Variants in HUNK observed in about 807,000 individuals in gnomAD.
The protein encoded by HUNK is hormonally up-regulated Neu-associated kinase, also known as hormonally up-regulated neu tumor-associated kinase.
A neutral mutation model predicts 61.0 loss-of-function variants in HUNK; 21 were observed. The observed-to-expected ratio is 0.34, with a 90% CI of 0.24 to 0.50. The LOEUF is 0.50. Among genes scored for constraint, HUNK ranks in the 20% least tolerant of loss-of-function variants. The probability of loss-of-function intolerance (pLI) is 0.98; values close to 1 mark genes in which losing one functional copy is unlikely to be tolerated. For missense variants in HUNK, 772 were observed against 945.7 expected (o/e 0.82, Z 2.41); for synonymous variants, 371 against 386.1 (o/e 0.96, Z 0.46).
intron 10 of HUNK, among the ~76,000 whole-genome samples, chr21:31,996,251 G>A (rs2053205207): frequency 1.3e-5 from 2 of 152,334 alleles, no homozygotes; most frequent in Non-Finnish European, 2.9e-5. Flanking sequence ...TGCAGGAGCA[G>A]AGATCAGGGT....
intron 1 of HUNK, among the ~76,000 whole-genome samples, chr21:31,917,632 T>C (rs1045827362): frequency 1.3e-5 from 2 of 150,838 alleles, no homozygotes; most frequent in Non-Finnish European, 2.9e-5. Context: ...AGAAAGTTGT[T>C]TTTCTTGTGC....
chr21:31,920,121 G>A (rs867928524), intron 1 of HUNK, among the ~76,000 whole-genome samples: 1 of 152,088 alleles, frequency 6.6e-6, no homozygotes. Flanking sequence ...TTGGCTTGTC[G>A]CCCCTCACCC....
chr21:31,980,360 G>A lies in HUNK; in HGVS notation c.1174-3166G>A, dbSNP rs143127176. Among the ~76,000 whole-genome samples, 1,161 of 135,754 alleles carry A rather than the reference G, an allele frequency of 8.6e-3. 15 individuals are homozygous for A. The highest frequency in any genetic ancestry group is 0.03 in the African/African-American group (1,069 of 35,712). 89.1% of individuals were successfully genotyped at this position (135,754 alleles called of 152,430 possible). A position where few individuals can be genotyped will look rare whatever the true frequency, so the allele number is the denominator to read the frequency against. On this transcript the variant is annotated intron_variant, in intron 7 of 10. Transcript: ENST00000270112. ...GCTGGGATTATAGGCGTGAGCCACC[G>A]CACCAGGCCTGTCTTCTTCTTTTTT... is the stretch of plus-strand genomic sequence containing the variant.
At chr21:31,970,312 G>A (rs1568938012) in intron 6 of HUNK, among the ~76,000 whole-genome samples, 2 of 152,174 alleles carry the variant, frequency 1.3e-5, no homozygotes, top group East Asian at 1.9e-4. Context: ...TACACTCACC[G>A]TGCCCAGAGA....
At chr21:31,928,258 A>G (rs1327793207) in intron 2 of HUNK, among the ~76,000 whole-genome samples, 1 of 152,176 alleles carries the variant, frequency 6.6e-6, no homozygotes, top group East Asian at 1.9e-4. Flanking sequence ...TGTGCTGTCA[A>G]AAAGAGGATG....
intron 1 of HUNK, among the ~76,000 whole-genome samples, chr21:31,922,965 TG>T (rs1220462490): frequency 6.6e-6 from 1 of 152,208 alleles, no homozygotes; most frequent in Non-Finnish European, 1.5e-5. Context: ...AAGGTGTTCC[TG>T]GGATGCTCAT....
intron 1 of HUNK, among the ~76,000 whole-genome samples, chr21:31,880,757 CT>C (rs36001075): frequency 6.6e-6 from 1 of 152,168 alleles, no homozygotes; most frequent in African/African-American, 2.4e-5. Context: ...GCTCCAGCAC[CT>C]TTTTAGACTG....
chr21:31,943,794 G>C (rs1267759517), intron 3 of HUNK, among the ~76,000 whole-genome samples: 1 of 152,166 alleles, frequency 6.6e-6, no homozygotes, highest in African/African-American at 2.4e-5. Context: ...TCTCAGGGTG[G>C]TGAGGAAGTG....
At chr21:31,944,707 G>C (rs140187111) in intron 3 of HUNK, among the ~76,000 whole-genome samples, 269 of 152,314 alleles carry the variant, frequency 1.8e-3, no homozygotes, top group African/African-American at 5.8e-3. Flanking sequence ...GAAGAGCTCA[G>C]TGTTTGGACA....
At chr21:31,900,676 A>C (rs1376073270) in intron 1 of HUNK, among the ~76,000 whole-genome samples, 2 of 152,190 alleles carry the variant, frequency 1.3e-5, no homozygotes, top group African/African-American at 4.8e-5. Flanking sequence ...TACCTGAGTT[A>C]ATCAGTACTC....
intron 9 of HUNK, among the ~76,000 whole-genome samples, chr21:31,993,167 G>A (rs1264419202): frequency 6.6e-6 from 1 of 152,120 alleles, no homozygotes; most frequent in East Asian, 1.9e-4. Flanking sequence ...CCCCTTGTCA[G>A]TGACGGGAGA....
chr21:31,892,148 TAAA>T (rs748197431), intron 1 of HUNK, among the ~76,000 whole-genome samples: 4,116 of 92,588 alleles, frequency 0.044, 113 homozygotes, highest in South Asian at 0.11. Context: ...AGAATTTGGT[TAAA>T]AAAAAAAAAA....
At chr21:31,892,444 C>T (rs796651999) in intron 1 of HUNK, among the ~76,000 whole-genome samples, 5 of 151,362 alleles carry the variant, frequency 3.3e-5, no homozygotes, top group African/African-American at 1.2e-4. Flanking sequence ...GTGGCGCATG[C>T]CTGTAGTCCC....
At chr21:31,966,964 A>T (rs1225662782) in intron 5 of HUNK, among the ~76,000 whole-genome samples, 3 of 152,150 alleles carry the variant, frequency 2.0e-5, no homozygotes, top group Non-Finnish European at 4.4e-5. Context: ...AGCAAGACAG[A>T]CCGTCTGCAT....
intron 8 of HUNK, among the ~76,000 whole-genome samples, chr21:31,984,456 A>G (rs2053119393): frequency 6.6e-6 from 1 of 152,356 alleles, no homozygotes; most frequent in African/African-American, 2.4e-5. Context: ...AACACGTGGC[A>G]TCAGAAGAAA....
rs1358454434 is a variant in HUNK, at chr21:31,998,907, C to T, written c.1868C>T (p.Ala623Val). 4.3e-6 allele frequency: 7 copies of T among 1,614,222 alleles called. No homozygotes were observed. Among genetic ancestry groups the T allele is most frequent in the Non-Finnish European group, 5.9e-6 (7 of 1,180,038 alleles). ...TPLHPTLVSF[A>V]HEDKNSPPKE... The stretch of plus-strand genomic sequence containing the variant: ...TTGCATCCAACTCTGGTCTCTTTTG[C>T]TCACGAAGATAAGAACAGCCCCCCA... Residue 623 changes from alanine (A) to valine (V), a missense_variant, in exon 11 of 11, where the codon GCT becomes GTT. Ala to Val is a moderately conservative substitution (Grantham distance 64). Around this residue, in one of 2 missense-constraint regions of HUNK, gnomAD observed 413 missense variants for 444.4 expected, o/e 0.93. Transcript: ENST00000270112.
rs1367157168 is a variant in HUNK at position 31,873,107 on chromosome 21, A to G, written c.-568A>G. On this transcript the variant is annotated 5_prime_UTR_variant, in exon 1 of 11. Transcript: ENST00000270112. The surrounding 1 kb of genome is among the most constrained non-coding windows in gnomAD (Gnocchi z 6.1). ...AGCGGATTAAATTTCTGCAAATTCA[A>G]ACTGAATGGGGCTTTCTTCTGCTGC... is the stretch of plus-strand genomic sequence containing the variant. Among the ~76,000 whole-genome samples the G allele has an allele frequency of 4.6e-5, 7 of 152,030 alleles. No individual in the cohort carries two copies. Among genetic ancestry groups the G allele is most frequent in the Non-Finnish European group, 7.4e-5 (5 of 67,960 alleles).
intron 3 of HUNK, among the ~76,000 whole-genome samples, chr21:31,940,762 C>T (rs1380618742): frequency 6.6e-6 from 1 of 152,170 alleles, no homozygotes; most frequent in Non-Finnish European, 1.5e-5. Flanking sequence ...ATTCACTGCA[C>T]AACTCGTTTT....
rs751938845 is a variant in HUNK, at chr21:31,921,154, C to CAA, written c.262-3287_262-3286dup. Among the ~76,000 whole-genome samples the CAA allele has an allele frequency of 4.5e-3, 179 of 39,376 alleles. 14 individuals are homozygous for CAA. The highest frequency in any genetic ancestry group is 0.044 in the East Asian group (35 of 800). The allele number at this position is 39,376 out of a possible 152,430, so 25.8% of individuals were successfully genotyped here. ...TGGGCCACAGAGCGAGATTCCATCT[C>CAA]AAAAAAAAAAAAAAAAAAAAAAAAA... On this transcript the variant is annotated intron_variant, in intron 1 of 10. Coordinates refer to ENST00000270112, the MANE Select transcript of HUNK (RefSeq NM_014586.2).
Sources: gnomAD v4.1 joint callset for allele counts (sites outside exome capture counted in the v4.1 genomes callset) on GRCh38, gnomAD v4.1.1 for gene constraint, gnomAD v4.1.1 regional missense constraint, Gnocchi (gnomAD v3.1) non-coding constraint, MANE v1.5 for transcripts, NCBI Gene and HGNC (gene_info 2026-07-23, HGNC 2026-07-21) for gene names.